Variants in SCAI observed in about 807,000 individuals in gnomAD.
SCAI encodes protein SCAI.
In SCAI, 24 loss-of-function variants were observed where a neutral mutation model predicts 92.2. That is an observed-to-expected ratio of 0.26 (90% CI 0.19 to 0.37). The LOEUF (loss-of-function observed/expected upper bound fraction) is 0.37. Ranked by LOEUF, SCAI falls within the 10% of genes least tolerant of loss-of-function variation. The pLI is 1.00. For missense variants in SCAI, 450 were observed against 736.2 expected (o/e 0.61, Z 4.50); for synonymous variants, 261 against 258.6 (o/e 1.01, Z -0.09).
chr9:125,123,257 G>T (rs1588242594), intron 2 of SCAI, among the ~76,000 whole-genome samples: 1 of 148,206 alleles, frequency 6.7e-6, no homozygotes, highest in Non-Finnish European at 1.5e-5. Context: ...CAGCAACTCG[G>T]GAGGCTGAGG....
chr9:125,108,262 G>T (rs1320210528), intron 2 of SCAI, among the ~76,000 whole-genome samples: 1 of 152,216 alleles, frequency 6.6e-6, no homozygotes, highest in African/African-American at 2.4e-5. Flanking sequence ...ACCCCGTCTG[G>T]GAAGTGAGGA....
intron 2 of SCAI, among the ~76,000 whole-genome samples, chr9:125,138,249 CTTTTTTTTT>C (rs10570060): frequency 9.6e-6 from 1 of 104,202 alleles, no homozygotes; most frequent in Non-Finnish European, 2.0e-5. Context: ...ACTATTATTT[CTTTTTTTTT>C]TTTTTTTTTT....
chr9:124,996,322 G>C (rs1233499560), intron 13 of SCAI, among the ~76,000 whole-genome samples: 1 of 152,106 alleles, frequency 6.6e-6, no homozygotes, highest in Non-Finnish European at 1.5e-5. Context: ...TGTTGTTTGA[G>C]ATGGGGTCTC....
At position 124,948,109 on chromosome 9, in the gene SCAI, G is replaced by C. The variant is rs1831178174; in HGVS notation, c.*4698C>G. 1 of 152,202 alleles carries C rather than the reference G, an allele frequency of 6.6e-6. No individual in the cohort carries two copies. The highest frequency in any genetic ancestry group is 2.1e-4 in the South Asian group (1 of 4,830). The allele number at this position is 152,202 out of a possible 1,614,324, so 9.4% of individuals were successfully genotyped here. A position where few individuals can be genotyped will look rare whatever the true frequency, so the allele number is the denominator to read the frequency against. On this transcript the variant is annotated 3_prime_UTR_variant, in exon 18 of 18. Coordinates refer to ENST00000336505, the MANE Select transcript of SCAI (RefSeq NM_001144877.3). ...AATACCTAATACATAAATCCGATTT[G>C]TCGCTTTTCCCATTATCCTGACTAA...
intron 3 of SCAI, among the ~76,000 whole-genome samples, chr9:125,039,396 A>G (rs1350070161): frequency 6.6e-6 from 1 of 151,706 alleles, no homozygotes; most frequent in East Asian, 1.9e-4. Flanking sequence ...AAAAAAAAAA[A>G]AAAAAAAAGA....
At chr9:125,042,646 C>CGTGTGTGTGTGTGT (rs1833344990) in intron 3 of SCAI, among the ~76,000 whole-genome samples, 1 of 98,900 alleles carries the variant, frequency 1.0e-5, no homozygotes, top group Non-Finnish European at 2.1e-5. Context: ...CACACACACA[C>CGTGTGTGTGTGTGT]ACACACACAC....
intron 17 of SCAI, among the ~76,000 whole-genome samples, chr9:124,954,497 T>C (rs1472927002): frequency 1.3e-5 from 2 of 152,244 alleles, no homozygotes; most frequent in African/African-American, 2.4e-5. Context: ...GCTTCTGTTA[T>C]CATTTTACAG....
chr9:125,040,777 C>T (rs1282428100), intron 3 of SCAI, among the ~76,000 whole-genome samples: 2 of 151,358 alleles, frequency 1.3e-5, no homozygotes, highest in African/African-American at 4.9e-5. Context: ...AGGTGCACAC[C>T]ACCATGTCCA....
rs186586437 is a variant in SCAI at position 125,055,705 on chromosome 9, T to A, written c.230+171A>T. 3.3e-5 allele frequency among the ~76,000 whole-genome samples: 5 copies of A among 152,282 alleles called. No individual in the cohort carries two copies. The East Asian group carries it at 9.6e-4, about 29-fold the overall frequency. Reference sequence around the variant, plus strand: ...GTAAGTTATCCTCTTTTCCTATTGTTTTTTTATCCAAGAATTTTAAAAATG... The same window carrying A: ...GTAAGTTATCCTCTTTTCCTATTGTATTTTTATCCAAGAATTTTAAAAATG... On this transcript the variant is annotated intron_variant, in intron 3 of 17. Transcript: ENST00000336505.
intron 3 of SCAI, among the ~76,000 whole-genome samples, chr9:125,047,910 A>G (rs1833478618): frequency 6.6e-6 from 1 of 152,150 alleles, no homozygotes; most frequent in Admixed American, 6.5e-5. Flanking sequence ...TTTATTTTTT[A>G]ATGTGGCTAG....
intron 2 of SCAI, among the ~76,000 whole-genome samples, chr9:125,075,732 G>A (rs2810466): frequency 0.99 from 150,466 of 152,190 alleles, 74,410 homozygotes; most frequent in Middle Eastern, 1. Flanking sequence ...TGCCCGGCTA[G>A]TTTTGTATTT....
chr9:125,056,820 C>T (rs1177936575), intron 2 of SCAI, among the ~76,000 whole-genome samples: 3 of 152,160 alleles, frequency 2.0e-5, no homozygotes, highest in Non-Finnish European at 2.9e-5. Flanking sequence ...CAATCACTAA[C>T]TTACAACTCT....
intron 17 of SCAI, among the ~76,000 whole-genome samples, chr9:124,956,898 G>A (rs1831323277): frequency 6.6e-6 from 1 of 151,584 alleles, no homozygotes; most frequent in Non-Finnish European, 1.5e-5. Context: ...TGGATGACAT[G>A]ATCTTGTATA....
rs758083074 is a variant in SCAI at position 125,028,489 on chromosome 9, T to C, written c.327-11A>G. The stretch of plus-strand genomic sequence containing the variant: ...TTATCCAAGACTTGTCTGTTTTATA[T>C]AGGATACAAGAAAATAGAAATGAGT... On this transcript the variant is annotated splice_polypyrimidine_tract_variant and intron_variant, in intron 4 of 17. Coordinates refer to ENST00000336505, the MANE Select transcript of SCAI (RefSeq NM_001144877.3). The C allele has an allele frequency of 4.7e-6, 7 of 1,492,010 alleles. No individual in the cohort carries two copies. Among genetic ancestry groups the C allele is most frequent in the Admixed American group, 4.5e-5 (2 of 44,596 alleles). The allele number at this position is 1,492,010 out of a possible 1,614,324, so 92.4% of individuals were successfully genotyped here.
chr9:125,016,825 A>C (rs1588154326), intron 9 of SCAI, among the ~76,000 whole-genome samples: 1 of 152,200 alleles, frequency 6.6e-6, no homozygotes, highest in South Asian at 2.1e-4. Context: ...ATAGGACACA[A>C]AAAAGCTAAT....
rs1831157832 is a variant in SCAI, at chr9:124,947,158, TC to T, written c.*5648del. The T allele has an allele frequency of 6.6e-6, 1 of 152,214 alleles. No homozygotes were observed. Among genetic ancestry groups the T allele is most frequent in the Non-Finnish European group, 1.5e-5 (1 of 68,028 alleles). The allele number at this position is 152,214 out of a possible 1,614,324, so 9.4% of individuals were successfully genotyped here. ...TATTTCCCCTATTTAATGGACATTT[TC>T]CTATGTTTTTAAATGTGATTAAAGC... On this transcript the variant is annotated 3_prime_UTR_variant, in exon 18 of 18. Coordinates refer to ENST00000336505, the MANE Select transcript of SCAI (RefSeq NM_001144877.3).
At chr9:125,008,391 C>T (rs574096608) in intron 9 of SCAI, among the ~76,000 whole-genome samples, 1 of 152,276 alleles carries the variant, frequency 6.6e-6, no homozygotes, top group East Asian at 1.9e-4. Flanking sequence ...CCCAGCTAGG[C>T]CTCCCAAAGT....
chr9:124,948,431 T>G lies in SCAI; in HGVS notation c.*4376A>C, dbSNP rs1831185659. 1 of 152,188 alleles carries G rather than the reference T, an allele frequency of 6.6e-6. No homozygotes were observed. Among genetic ancestry groups the G allele is most frequent in the South Asian group, 2.1e-4 (1 of 4,834 alleles). 9.4% of individuals were successfully genotyped at this position (152,188 alleles called of 1,614,324 possible). On this transcript the variant is annotated 3_prime_UTR_variant, in exon 18 of 18. Coordinates refer to ENST00000336505, the MANE Select transcript of SCAI (RefSeq NM_001144877.3). ...TAGAATAAAAGATAAAATGTCAGATTTGTGGATTTTTACAATAAAAATTTG... is the reference window on the plus strand; with the variant it reads ...TAGAATAAAAGATAAAATGTCAGATGTGTGGATTTTTACAATAAAAATTTG...
chr9:124,984,747 G>A (rs1018596230), intron 14 of SCAI, among the ~76,000 whole-genome samples: 12 of 152,160 alleles, frequency 7.9e-5, no homozygotes, highest in Non-Finnish European at 1.5e-4. Context: ...ATATGGAGTA[G>A]GTAGATAATA....
Sources: gnomAD v4.1 joint callset for allele counts (sites outside exome capture counted in the v4.1 genomes callset) on GRCh38, gnomAD v4.1.1 for gene constraint, MANE v1.5 for transcripts, NCBI Gene and HGNC (gene_info 2026-07-23, HGNC 2026-07-21) for gene names.